The following RP1 variants were observed in gnomAD, a reference collection of about 807,000 sequenced individuals.
RP1 encodes oxygen-regulated protein 1.
RP1 carries 16 observed loss-of-function variants against 14.8 expected under a neutral mutation model. The ratio of observed to expected loss-of-function variants is 1.08; its 90% CI spans 0.73 to 1.65. RP1 has a LOEUF of 1.65. Among genes scored for constraint, RP1 ranks in the 40% most tolerant of loss-of-function variants. The pLI is 0.00. For synonymous variants in RP1, 876 were observed against 883.6 expected, an observed-to-expected ratio of 0.99 and a Z score of 0.15; for missense variants, 2,631 against 2,535.0, an observed-to-expected ratio of 1.04 and a Z score of -0.81.
At position 54,582,217 on chromosome 8, in the gene RP1, A is replaced by G. The variant is rs1400501704; in HGVS notation, c.-13+22897A>G. Among the ~76,000 whole-genome samples the G allele has an allele frequency of 3.2e-4, 49 of 152,044 alleles. No homozygotes were observed. The South Asian group carries it at 1.0e-2, about 31-fold the overall frequency. ...AAGGGATCCAGTTTCAGCTTTCTAC[A>G]TATGGCTAGCCAGTTTTCCCAGCAC... is the stretch of plus-strand genomic sequence containing the variant. On this transcript the variant is annotated intron_variant, in intron 1 of 22. Transcript: ENST00000636932.
At chr8:54,581,322 G>C (rs1412451624) in intron 1 of RP1, among the ~76,000 whole-genome samples, 1 of 152,090 alleles carries the variant, frequency 6.6e-6, no homozygotes, top group African/African-American at 2.4e-5. Flanking sequence ...ATGTCCCTAC[G>C]AAGGACATGA....
intron 14 of RP1, among the ~76,000 whole-genome samples, chr8:54,705,829 T>C (rs976297014): frequency 6.6e-6 from 1 of 151,896 alleles, no homozygotes; most frequent in African/African-American, 2.4e-5. Flanking sequence ...CTTTTTTTTT[T>C]TTTTGTATTA....
At chr8:54,771,212 T>C (rs531526757), downstream of RP1, among the ~76,000 whole-genome samples, 6 of 152,172 alleles carry the variant, frequency 3.9e-5, no homozygotes, top group East Asian at 9.6e-4. Flanking sequence ...ATAATTTTAC[T>C]AATGTTCCAG....
At chr8:54,674,309 G>A (rs911839708) in intron 8 of RP1, among the ~76,000 whole-genome samples, 7 of 151,970 alleles carry the variant, frequency 4.6e-5, no homozygotes, top group African/African-American at 1.7e-4. Context: ...GTCCAACAGC[G>A]GCACGTTAAG....
chr8:54,561,142 C>T (rs562101572), intron 1 of RP1, among the ~76,000 whole-genome samples: 3 of 152,248 alleles, frequency 2.0e-5, no homozygotes, highest in East Asian at 1.9e-4. Flanking sequence ...ATCTCTCAGT[C>T]TGACCCTATA....
chr8:54,670,040 A>G (rs1267358563), intron 7 of RP1, among the ~76,000 whole-genome samples: 3 of 152,102 alleles, frequency 2.0e-5, no homozygotes, highest in African/African-American at 7.2e-5. Flanking sequence ...TAAAATAAAA[A>G]CCAAAATAAA....
chr8:54,783,839 TG>T (rs1810250413), intron 24 of RP1: 1 of 530,334 alleles, frequency 1.9e-6, no homozygotes, highest in Non-Finnish European at 2.9e-6. Context: ...TTGGTGTATG[TG>T]GCATGTTTTA....
intron 12 of RP1, among the ~76,000 whole-genome samples, chr8:54,693,216 T>C (rs1360581931): frequency 6.6e-6 from 1 of 152,244 alleles, no homozygotes; most frequent in African/African-American, 2.4e-5. Flanking sequence ...TTTTGATTAC[T>C]GTAGCCTTGT....
intron 1 of RP1, among the ~76,000 whole-genome samples, chr8:54,576,166 G>C (rs1274044339): frequency 1.3e-5 from 2 of 150,660 alleles, no homozygotes; most frequent in South Asian, 2.1e-4. Flanking sequence ...TCAGCCTCCC[G>C]AGTAGCTGGG....
intron 1 of RP1, among the ~76,000 whole-genome samples, chr8:54,600,877 T>A (rs1225640337): frequency 3.3e-5 from 5 of 152,306 alleles, no homozygotes; most frequent in Admixed American, 2.6e-4. Context: ...GTTTGGGATA[T>A]ATGGGACAAA....
intron 27 of RP1, among the ~76,000 whole-genome samples, chr8:54,859,962 TGTTAG>T (rs1382441081): frequency 6.6e-6 from 1 of 152,142 alleles, no homozygotes; most frequent in Non-Finnish European, 1.5e-5. Flanking sequence ...ATGGAAACAA[TGTTAG>T]AACATCCAAC....
chr8:54,857,599 T>C (rs75734478), intron 27 of RP1, among the ~76,000 whole-genome samples: 45 of 152,160 alleles, frequency 3.0e-4, no homozygotes, highest in Middle Eastern at 3.4e-3. Context: ...ATGATTATAT[T>C]ACACAGGAAA....
At chr8:54,587,311 A>G (rs1445014139) in intron 1 of RP1, among the ~76,000 whole-genome samples, 1 of 152,098 alleles carries the variant, frequency 6.6e-6, no homozygotes, top group African/African-American at 2.4e-5. Flanking sequence ...CTGTAATCCC[A>G]GCTACTCAGG....
At chr8:54,678,024 A>G (rs1330949206) in intron 8 of RP1, among the ~76,000 whole-genome samples, 1 of 152,158 alleles carries the variant, frequency 6.6e-6, no homozygotes, top group Non-Finnish European at 1.5e-5. Flanking sequence ...TTTCATTTTT[A>G]GTCTATCAAA....
At chr8:54,856,017 C>T (rs76062278) in intron 26 of RP1, among the ~76,000 whole-genome samples, 3,793 of 151,350 alleles carry the variant, frequency 0.025, 69 homozygotes, top group Non-Finnish European at 0.04. Flanking sequence ...ATGCAGATAT[C>T]ATGAAAAGAC....
At chr8:54,618,181 T>G in intron 1 of RP1, among the ~76,000 whole-genome samples, 1 of 152,206 alleles carries the variant, frequency 6.6e-6, no homozygotes, top group Non-Finnish European at 1.5e-5. Flanking sequence ...CCTCCACTGC[T>G]GGGGACCTGG....
At chr8:54,721,348 T>G (rs544288058) in intron 16 of RP1, among the ~76,000 whole-genome samples, 6 of 152,286 alleles carry the variant, frequency 3.9e-5, no homozygotes, top group African/African-American at 1.4e-4. Context: ...CCTCTGGAGC[T>G]CTGAAGGGAA....
intron 5 of RP1, among the ~76,000 whole-genome samples, chr8:54,654,191 T>C (rs1806711567): frequency 2.0e-5 from 3 of 152,228 alleles, no homozygotes; most frequent in Admixed American, 6.5e-5. Context: ...AAATTAGATA[T>C]TGGTTTGAAA....
chr8:54,781,753 T>G (rs538832198), intron 23 of RP1, among the ~76,000 whole-genome samples: 18 of 152,242 alleles, frequency 1.2e-4, no homozygotes, highest in African/African-American at 4.3e-4. Context: ...TTTTTCCAGT[T>G]GCAAAAAAGA....
Sources: gnomAD v4.1 joint callset for allele counts (sites outside exome capture counted in the v4.1 genomes callset) on GRCh38, gnomAD v4.1.1 for gene constraint, MANE v1.5 for transcripts, NCBI Gene and HGNC (gene_info 2026-07-23, HGNC 2026-07-21) for gene names.